CBR4: variants seen among roughly 807,000 people sequenced by gnomAD.
CBR4 encodes the protein carbonyl reductase 4.
A neutral mutation model predicts 21.0 loss-of-function variants in CBR4; 22 were observed. The ratio of observed to expected loss-of-function variants is 1.05; its 90% CI spans 0.75 to 1.50. The LOEUF (loss-of-function observed/expected upper bound fraction) is 1.50, where lower values mean the gene tolerates loss of function less well. CBR4 is among the 40% of genes most tolerant of loss of function. The pLI, the probability that CBR4 is intolerant of heterozygous loss-of-function variation, is 0.00. For synonymous variants in CBR4, 100 were observed against 104.4 expected (o/e 0.96, Z 0.26); for missense variants, 302 against 286.3 (o/e 1.05, Z -0.40).
intron 2 of CBR4, among the ~76,000 whole-genome samples, chr4:168,900,225 G>T (rs997804913): frequency 3.3e-5 from 5 of 152,084 alleles, no homozygotes; most frequent in Admixed American, 1.3e-4. Flanking sequence ...CTCCCGCCAG[G>T]CCCCACCTCC....
intron 3 of CBR4, chr4:169,005,835 T>C: frequency 8.1e-7 from 1 of 1,239,352 alleles, no homozygotes; most frequent in Non-Finnish European, 1.1e-6. Context: ...AAACTCTAAA[T>C]TCTGGCTTGA....
chr4:168,946,827 G>C (rs1437700567), intron 2 of CBR4, among the ~76,000 whole-genome samples: 1 of 152,076 alleles, frequency 6.6e-6, no homozygotes, highest in Non-Finnish European at 1.5e-5. Flanking sequence ...GAACTGATGA[G>C]CTAAAGAAAC....
chr4:168,913,923 A>G, intron 2 of CBR4: 2 of 1,595,346 alleles, frequency 1.3e-6, no homozygotes, highest in Non-Finnish European at 1.7e-6. Flanking sequence ...TGATATTTCT[A>G]CAGGGCCGCA....
intron 2 of CBR4, among the ~76,000 whole-genome samples, chr4:168,944,387 A>T (rs6815188): frequency 0.68 from 103,218 of 152,016 alleles, 36,834 homozygotes; most frequent in East Asian, 0.96. Context: ...CTATGGCAGA[A>T]GGATTGCTTG....
intron 2 of CBR4, among the ~76,000 whole-genome samples, chr4:168,912,623 A>G (rs901968067): frequency 2.0e-5 from 3 of 152,198 alleles, no homozygotes; most frequent in South Asian, 2.1e-4. Context: ...ATGATTATAC[A>G]TATTTATGAG....
At chr4:169,005,844 G>C (rs1251462363) in intron 3 of CBR4, 1 of 1,273,306 alleles carries the variant, frequency 7.9e-7, no homozygotes, top group Non-Finnish European at 1.0e-6. Flanking sequence ...ATTCTGGCTT[G>C]AAAAACCATT....
chr4:168,898,522 A>T, intron 2 of CBR4: 1 of 1,613,540 alleles, frequency 6.2e-7, no homozygotes, highest in Non-Finnish European at 8.5e-7. Flanking sequence ...GTGAACAGAG[A>T]CTCATCAGTG....
chr4:168,907,711 T>C (rs1500795), intron 2 of CBR4, among the ~76,000 whole-genome samples: 18,975 of 152,146 alleles, frequency 0.12, 1,397 homozygotes, highest in African/African-American at 0.2. Context: ...TCTGGTTCTT[T>C]GCTCTACCCT....
At chr4:168,973,368 C>A (rs1217415546) in intron 2 of CBR4, among the ~76,000 whole-genome samples, 2 of 152,094 alleles carry the variant, frequency 1.3e-5, no homozygotes, top group Non-Finnish European at 2.9e-5. Flanking sequence ...TTTCTTGTTG[C>A]CTGTGATGGA....
chr4:168,949,681 C>G (rs1763485203), intron 2 of CBR4, among the ~76,000 whole-genome samples: 1 of 152,100 alleles, frequency 6.6e-6, no homozygotes, highest in East Asian at 1.9e-4. Context: ...GGAATAGTGT[C>G]AAAAGGATTG....
chr4:168,972,823 G>A (rs1764250284), intron 2 of CBR4, among the ~76,000 whole-genome samples: 1 of 152,176 alleles, frequency 6.6e-6, no homozygotes, highest in Non-Finnish European at 1.5e-5. Flanking sequence ...TTGAATAGAA[G>A]TAGTGAAAGT....
chr4:168,938,299 G>A (rs1249725448), intron 2 of CBR4, among the ~76,000 whole-genome samples: 2 of 152,168 alleles, frequency 1.3e-5, no homozygotes, highest in African/African-American at 4.8e-5. Context: ...GAATCTCTGG[G>A]ACACAGCTAA....
At chr4:169,008,253 C>T (rs1476562691) in intron 1 of CBR4, among the ~76,000 whole-genome samples, 1 of 152,056 alleles carries the variant, frequency 6.6e-6, no homozygotes, top group Non-Finnish European at 1.5e-5. Context: ...ATTATTCAAA[C>T]CTGACCATCA....
intron 2 of CBR4, among the ~76,000 whole-genome samples, chr4:168,918,472 C>T (rs1760728038): frequency 1.3e-5 from 2 of 151,848 alleles, no homozygotes; most frequent in South Asian, 4.2e-4. Context: ...CTTATATGTG[C>T]AATATAAAAA....
chr4:168,939,139 C>T (rs1163024119), intron 2 of CBR4, among the ~76,000 whole-genome samples: 4 of 152,172 alleles, frequency 2.6e-5, no homozygotes. Flanking sequence ...AAGGCTGCTT[C>T]AACATATGCA....
At chr4:168,910,918 C>T (rs1453925579) in intron 2 of CBR4, among the ~76,000 whole-genome samples, 3 of 152,096 alleles carry the variant, frequency 2.0e-5, no homozygotes, top group Non-Finnish European at 4.4e-5. Flanking sequence ...AAAGTATATT[C>T]ACATGGAAAT....
chr4:168,898,268 C>T, intron 2 of CBR4: 1 of 570,302 alleles, frequency 1.8e-6, no homozygotes, highest in Non-Finnish European at 3.1e-6. Flanking sequence ...TCTTTCCTAC[C>T]CCCCTCTTTT....
At chr4:168,915,707 T>C (rs1420950261) in intron 2 of CBR4, among the ~76,000 whole-genome samples, 1 of 152,224 alleles carries the variant, frequency 6.6e-6, no homozygotes, top group Non-Finnish European at 1.5e-5. Flanking sequence ...GACAATTAAA[T>C]TTATAGTAAA....
intron 2 of CBR4, among the ~76,000 whole-genome samples, chr4:168,966,074 T>C (rs1229149941): frequency 6.6e-6 from 1 of 151,942 alleles, no homozygotes; most frequent in Non-Finnish European, 1.5e-5. Flanking sequence ...TATCAGAAAG[T>C]GGGCAAAGGA....
Sources: gnomAD v4.1 joint callset for allele counts (sites outside exome capture counted in the v4.1 genomes callset) on GRCh38, gnomAD v4.1.1 for gene constraint, MANE v1.5 for transcripts, NCBI Gene and HGNC (gene_info 2026-07-23, HGNC 2026-07-21) for gene names.